Variants in DOCK2 observed in about 807,000 individuals in gnomAD.
DOCK2 encodes dedicator of cytokinesis protein 2.
A neutral mutation model predicts 248.9 loss-of-function variants in DOCK2; 87 were observed. The observed-to-expected ratio is 0.35, with a 90% CI of 0.29 to 0.42. The LOEUF is 0.42. Ranked by LOEUF, DOCK2 falls within the 10% of genes least tolerant of loss-of-function variation. The pLI, the probability that DOCK2 is intolerant of heterozygous loss-of-function variation, is 1.00. For missense variants in DOCK2, 1,747 were observed against 2,300.2 expected (o/e 0.76, Z 4.92); for synonymous variants, 805 against 821.6 (o/e 0.98, Z 0.35).
intron 26 of DOCK2, among the ~76,000 whole-genome samples, chr5:169,816,071 A>T (rs914726377): frequency 3.3e-5 from 5 of 152,228 alleles, no homozygotes; most frequent in Admixed American, 1.3e-4. Context: ...ATGAGTTAAA[A>T]GCCCTCTCAG....
chr5:169,696,038 C>G, intron 10 of DOCK2, 100 bp downstream of exon 10: 4 of 1,425,830 alleles, frequency 2.8e-6, no homozygotes, highest in African/African-American at 2.9e-5. Context: ...CCTGCTGCCC[C>G]CACCCCTGCA....
At chr5:169,649,865 G>A (rs923583241) in intron 1 of DOCK2, among the ~76,000 whole-genome samples, 3 of 151,576 alleles carry the variant, frequency 2.0e-5, no homozygotes, top group Non-Finnish European at 2.9e-5. Flanking sequence ...GTGCAGTGGT[G>A]TAATCTCGGC....
chr5:170,014,831 G>A (rs564313312), intron 32 of DOCK2, among the ~76,000 whole-genome samples: 39 of 152,248 alleles, frequency 2.6e-4, no homozygotes, highest in Non-Finnish European at 4.7e-4. Flanking sequence ...CTCCCAGGTA[G>A]TTTATCCTGA....
At chr5:169,723,624 C>A (rs1196765355) in intron 22 of DOCK2, among the ~76,000 whole-genome samples, 1 of 152,160 alleles carries the variant, frequency 6.6e-6, no homozygotes. Flanking sequence ...GTGGCTCAAG[C>A]TCCTTCCTTC....
At position 170,042,161 on chromosome 5, in the gene DOCK2, G is replaced by A. The variant is rs73800274; in HGVS notation, c.3876+29G>A. 5,215 of 1,584,174 alleles carry A rather than the reference G, an allele frequency of 3.3e-3. 161 individuals are homozygous for A. In the African/African-American group the frequency reaches 0.057, roughly 17 times the overall value. On this transcript the variant is annotated intron_variant, in intron 38 of 51. Transcript: ENST00000520908. ...ATCTGTCCCTGCCCACCCCCCGTGG[G>A]GACCCTGGCCACTGGAAGGATGGTT...
intron 27 of DOCK2, among the ~76,000 whole-genome samples, chr5:169,861,733 TG>T (rs1771210853): frequency 6.6e-6 from 1 of 152,174 alleles, no homozygotes; most frequent in Non-Finnish European, 1.5e-5. Flanking sequence ...CGACCATTTT[TG>T]TTCATCAGGA....
At chr5:169,985,962 C>G (rs373988351) in intron 29 of DOCK2, 40 bp downstream of exon 29, 3 of 1,543,746 alleles carry the variant, frequency 1.9e-6, no homozygotes, top group East Asian at 4.6e-5. Context: ...CCTTACCCAG[C>G]CCTCACTTCA....
chr5:169,689,245 C>T lies in DOCK2; in HGVS notation c.762-7C>T. On this transcript the variant is annotated splice_polypyrimidine_tract_variant and splice_region_variant and intron_variant, in intron 8 of 51. Coordinates refer to ENST00000520908, the MANE Select transcript of DOCK2 (RefSeq NM_004946.3). ...GCAGTAACGGGCTGCCACTCTTCTT[C>T]CCACAGTGAGAACTACCTAGTGCGA... is the stretch of plus-strand genomic sequence containing the variant. 6.2e-7 allele frequency: 1 copy of T among 1,613,872 alleles called. No individual in the cohort carries two copies. The highest frequency in any genetic ancestry group is 8.5e-7 in the Non-Finnish European group (1 of 1,179,858).
Position 170,056,951 on chromosome 5 carries a change from T to C in DOCK2, c.4380+183T>C, listed in dbSNP as rs1009257215. The stretch of plus-strand genomic sequence containing the variant: ...CATTAGGGCCTGTGTCCTTATTTCT[T>C]GAGCCTTTTTCCCCTTAATACAGAA... On this transcript the variant is annotated intron_variant, in intron 43 of 51. Coordinates refer to ENST00000520908, the MANE Select transcript of DOCK2 (RefSeq NM_004946.3). 1.3e-5 allele frequency: 8 copies of C among 603,226 alleles called. No homozygotes were observed. The African/African-American group carries it at 1.5e-4, about 11-fold the overall frequency. The allele number at this position is 603,226 out of a possible 1,614,324, so 37.4% of individuals were successfully genotyped here. A position where few individuals can be genotyped will look rare whatever the true frequency, so the allele number is the denominator to read the frequency against.
chr5:169,865,945 C>T (rs898731832), intron 27 of DOCK2, among the ~76,000 whole-genome samples: 2 of 152,212 alleles, frequency 1.3e-5, no homozygotes, highest in African/African-American at 4.8e-5. Context: ...GGCATGTTGC[C>T]GTTGCCATGC....
chr5:169,803,231 A>G (rs1446302113), intron 26 of DOCK2, 25 bp downstream of exon 26: 1 of 1,607,378 alleles, frequency 6.2e-7, no homozygotes, highest in African/African-American at 1.3e-5. Flanking sequence ...TGATGTAGAT[A>G]TCCTGGACTC....
intron 41 of DOCK2, among the ~76,000 whole-genome samples, chr5:170,055,009 A>G (rs923793567): frequency 1.3e-5 from 2 of 152,342 alleles, no homozygotes; most frequent in African/African-American, 4.8e-5. Context: ...CTATAAATTC[A>G]TTCAATAGTA....
chr5:170,008,237 A>AC (rs1554125564), intron 30 of DOCK2, among the ~76,000 whole-genome samples: 6,512 of 146,938 alleles, frequency 0.044, 212 homozygotes, highest in East Asian at 0.11. Flanking sequence ...AAAAAAAAAA[A>AC]ACCTAAAATT....
intron 40 of DOCK2, 136 bp from the exon 41 acceptor site, chr5:170,050,120 G>A: frequency 8.5e-7 from 1 of 1,171,750 alleles, no homozygotes. Context: ...TCCTTTCCCT[G>A]TGGGGAAACC....
At chr5:169,934,484 C>T (rs988379637) in intron 27 of DOCK2, among the ~76,000 whole-genome samples, 13 of 152,342 alleles carry the variant, frequency 8.5e-5, no homozygotes, top group Middle Eastern at 3.4e-3. Flanking sequence ...GAGGTGCATG[C>T]ACATATGCTA....
intron 34 of DOCK2, among the ~76,000 whole-genome samples, chr5:170,030,461 G>A (rs1043804548): frequency 5.3e-5 from 8 of 152,264 alleles, no homozygotes; most frequent in African/African-American, 1.9e-4. Flanking sequence ...TTTTTGTTGG[G>A]AGTCTAGCAA....
rs1342524422 is a variant in DOCK2 at position 169,779,917 on chromosome 5, G to A, written c.2554+18292G>A. 2.6e-5 allele frequency among the ~76,000 whole-genome samples: 4 copies of A among 151,864 alleles called. No individual in the cohort carries two copies. In the South Asian group the frequency reaches 6.2e-4, roughly 24 times the overall value. Reference sequence around the variant, plus strand: ...GACTGACTGTGGCCCCGTAGAGAGTGTAGGCTGCAGGAATTCATCCCGTTG... The same window carrying A: ...GACTGACTGTGGCCCCGTAGAGAGTATAGGCTGCAGGAATTCATCCCGTTG... On this transcript the variant is annotated intron_variant, in intron 25 of 51. Coordinates refer to ENST00000520908, the MANE Select transcript of DOCK2 (RefSeq NM_004946.3).
At chr5:170,007,117 GATGTT>G (rs1458399529) in intron 30 of DOCK2, among the ~76,000 whole-genome samples, 5 of 152,220 alleles carry the variant, frequency 3.3e-5, no homozygotes, top group Non-Finnish European at 1.5e-5. Context: ...CAGCAATGAT[GATGTT>G]ATGTTATCAG....
intron 38 of DOCK2, among the ~76,000 whole-genome samples, chr5:170,042,407 T>A (rs1756551236): frequency 1.3e-5 from 2 of 152,180 alleles, no homozygotes; most frequent in African/African-American, 4.8e-5. Context: ...GATAGGATGA[T>A]CATAAAGCAT....
Sources: allele counts gnomAD v4.1 joint callset (sites outside exome capture counted in the v4.1 genomes callset), GRCh38; gene constraint gnomAD v4.1.1; transcripts MANE v1.5; gene names NCBI Gene and HGNC (gene_info 2026-07-23, HGNC 2026-07-21).